Variants in RTN4RL1 observed in about 807,000 individuals in gnomAD.
The protein encoded by RTN4RL1 is reticulon-4 receptor-like 1.
RTN4RL1 carries 7 observed loss-of-function variants against 25.6 expected under a neutral mutation model. The observed-to-expected ratio is 0.27, with a 90% CI of 0.16 to 0.51. The LOEUF (loss-of-function observed/expected upper bound fraction) is 0.51, where lower values mean the gene tolerates loss of function less well. Among genes scored for constraint, RTN4RL1 ranks in the 20% least tolerant of loss-of-function variants. The pLI is 0.97. For missense variants in RTN4RL1, 500 were observed against 615.6 expected (o/e 0.81, Z 1.99); for synonymous variants, 297 against 288.2 (o/e 1.03, Z -0.31).
chr17:1,945,699 C>T (rs976441074), intron 1 of RTN4RL1, among the ~76,000 whole-genome samples: 3 of 152,182 alleles, frequency 2.0e-5, no homozygotes, highest in Admixed American at 6.5e-5. Flanking sequence ...TAATACACTA[C>T]GTGATTTCCT....
At chr17:1,967,700 C>A (rs1039421802) in intron 1 of RTN4RL1, among the ~76,000 whole-genome samples, 3 of 151,892 alleles carry the variant, frequency 2.0e-5, no homozygotes, top group Non-Finnish European at 4.4e-5. Flanking sequence ...AGTGCAATGG[C>A]GCCATCTCAG....
rs2151333267 is a variant in RTN4RL1, at chr17:2,023,686, C to CCCCCCTCCA, written c.13+1158_13+1166dup. On this transcript the variant is annotated intron_variant, in intron 1 of 1. Transcript: ENST00000331238. ...GCTTCCCCCCACCTCCCCAACCTCC[C>CCCCCCTCCA]CCCCCTCCACCCCCTCCCCGTGCGC... 3 of 146,190 alleles carry CCCCCCTCCA rather than the reference C, an allele frequency of 2.1e-5. No individual in the cohort carries two copies. The South Asian group carries it at 6.7e-4, about 33-fold the overall frequency. The allele number at this position is 146,190 out of a possible 1,614,324, so 9.1% of individuals were successfully genotyped here.
chr17:1,949,213 G>A (rs1001469698), intron 1 of RTN4RL1, among the ~76,000 whole-genome samples: 77 of 150,760 alleles, frequency 5.1e-4, no homozygotes, highest in African/African-American at 9.8e-5. Context: ...TGCCCGCCTC[G>A]GCCTCCCTAA....
chr17:1,954,784 C>A (rs1915757422), intron 1 of RTN4RL1, among the ~76,000 whole-genome samples: 2 of 152,196 alleles, frequency 1.3e-5, no homozygotes, highest in Non-Finnish European at 2.9e-5. Flanking sequence ...TCTGTCAAGT[C>A]AATGAATGAA....
chr17:2,008,262 T>A (rs59385518), intron 1 of RTN4RL1, among the ~76,000 whole-genome samples: 2 of 140,738 alleles, frequency 1.4e-5, no homozygotes, highest in Non-Finnish European at 3.0e-5. Flanking sequence ...AGGGCTAGAC[T>A]CCATCTCAAA....
At chr17:1,995,808 T>C (rs2066927055) in intron 1 of RTN4RL1, 1 of 152,276 alleles carries the variant, frequency 6.6e-6, no homozygotes, top group Non-Finnish European at 1.5e-5. Context: ...GAGCAACCCA[T>C]GCACTTAACT....
At chr17:1,992,811 G>A (rs895800385) in intron 1 of RTN4RL1, among the ~76,000 whole-genome samples, 8 of 152,160 alleles carry the variant, frequency 5.3e-5, no homozygotes, top group Admixed American at 1.3e-4. Context: ...TGCCATCGTC[G>A]CCCACGTGTG....
chr17:1,961,934 C>T (rs929601780), intron 1 of RTN4RL1, among the ~76,000 whole-genome samples: 4 of 139,414 alleles, frequency 2.9e-5, no homozygotes, highest in African/African-American at 1.1e-4. Flanking sequence ...GGCTACAGAG[C>T]GAGACTCTGC....
chr17:1,978,136 C>T (rs1013579284), intron 1 of RTN4RL1, among the ~76,000 whole-genome samples: 1 of 152,224 alleles, frequency 6.6e-6, no homozygotes, highest in African/African-American at 2.4e-5. Flanking sequence ...CTGTGGGGGT[C>T]AAGGTTGGGG....
At chr17:1,971,470 A>G (rs2066818395) in intron 1 of RTN4RL1, among the ~76,000 whole-genome samples, 3 of 152,186 alleles carry the variant, frequency 2.0e-5, no homozygotes, top group Non-Finnish European at 4.4e-5. Flanking sequence ...GCTGAGCCTC[A>G]AAGAGGTGAA....
At position 1,936,136 on chromosome 17, in the gene RTN4RL1, C is replaced by T. The variant is rs891765778; in HGVS notation, c.*360G>A. 20 of 1,069,772 alleles carry T rather than the reference C, an allele frequency of 1.9e-5. No individual in the cohort carries two copies. In the East Asian group the frequency reaches 5.0e-4, roughly 27 times the overall value. 66.3% of individuals were successfully genotyped at this position (1,069,772 alleles called of 1,614,324 possible). ...GAACCACGGGGCCCTCCAGACCTCT[C>T]GGAACGATCGGGATTCCACAGAGCC... On this transcript the variant is annotated 3_prime_UTR_variant, in exon 2 of 2. Coordinates refer to ENST00000331238, the MANE Select transcript of RTN4RL1 (RefSeq NM_178568.4).
intron 1 of RTN4RL1, chr17:2,020,451 T>C (rs1268822418): frequency 6.6e-6 from 1 of 152,178 alleles, no homozygotes; most frequent in African/African-American, 2.4e-5. Flanking sequence ...AGCTGTGGAT[T>C]CAAGTGAAGC....
chr17:1,992,020 A>C (rs968977671), intron 1 of RTN4RL1, among the ~76,000 whole-genome samples: 20 of 152,026 alleles, frequency 1.3e-4, no homozygotes, highest in African/African-American at 4.8e-4. Flanking sequence ...AGTCCCCCAG[A>C]TCCTTCATGA....
chr17:1,967,018 C>T (rs1162667549), intron 1 of RTN4RL1, among the ~76,000 whole-genome samples: 2 of 152,168 alleles, frequency 1.3e-5, no homozygotes, highest in African/African-American at 2.4e-5. Flanking sequence ...CTGCTCCTGA[C>T]CCCGAGGTCT....
At chr17:1,984,189 C>G (rs542641410) in intron 1 of RTN4RL1, among the ~76,000 whole-genome samples, 13 of 152,338 alleles carry the variant, frequency 8.5e-5, no homozygotes, top group South Asian at 4.1e-4. Context: ...TATTCTCCCC[C>G]CTAAAATGCA....
intron 1 of RTN4RL1, among the ~76,000 whole-genome samples, chr17:1,999,379 G>A (rs984563417): frequency 5.9e-5 from 9 of 151,358 alleles, no homozygotes; most frequent in Non-Finnish European, 8.8e-5. Context: ...CCGGGAGGAG[G>A]AGATTGCAGT....
intron 1 of RTN4RL1, among the ~76,000 whole-genome samples, chr17:1,987,738 C>T (rs2066892959): frequency 9.6e-6 from 1 of 104,134 alleles, no homozygotes; most frequent in Non-Finnish European, 2.2e-5. Flanking sequence ...CACACACACA[C>T]ACACACACAC....
chr17:2,024,815 G>A lies in RTN4RL1; in HGVS notation c.13+38C>T, dbSNP rs138004004. ...CCGGGCTCGCGGCTCTTTCCGGAGC[G>A]CATTCAACTTCAACTTGCCCCTGCG... On this transcript the variant is annotated intron_variant, in intron 1 of 1. Transcript: ENST00000331238. The A allele has an allele frequency of 1.1e-3, 1,642 of 1,555,312 alleles. 16 individuals carry two copies. The African/African-American group carries it at 0.02, about 19-fold the overall frequency.
chr17:1,979,727 A>T (rs1267452437), intron 1 of RTN4RL1, among the ~76,000 whole-genome samples: 1 of 152,226 alleles, frequency 6.6e-6, no homozygotes, highest in Non-Finnish European at 1.5e-5. Flanking sequence ...ACCAGGACAG[A>T]AAAGGGGAAA....
Sources: allele counts gnomAD v4.1 joint callset (sites outside exome capture counted in the v4.1 genomes callset), GRCh38; gene constraint gnomAD v4.1.1; transcripts MANE v1.5; gene names NCBI Gene and HGNC (gene_info 2026-07-23, HGNC 2026-07-21).